PPFIA1: variants seen among roughly 807,000 people sequenced by gnomAD.
PPFIA1 encodes the protein PPFI scaffold protein A1, also known as liprin-alpha-1.
Under a neutral mutation model 149.9 loss-of-function variants are expected in PPFIA1, and 25 were observed. The ratio of observed to expected loss-of-function variants is 0.17; its 90% CI spans 0.12 to 0.23. The LOEUF (loss-of-function observed/expected upper bound fraction) is 0.23. PPFIA1 is among the 10% of genes least tolerant of loss of function. The probability of loss-of-function intolerance (pLI) is 1.00; values close to 1 mark genes in which losing one functional copy is unlikely to be tolerated. For missense variants in PPFIA1, 1,362 were observed against 1,506.5 expected, an observed-to-expected ratio of 0.90 and a Z score of 1.59; for synonymous variants, 549 against 552.8, an observed-to-expected ratio of 0.99 and a Z score of 0.10.
intron 2 of PPFIA1, among the ~76,000 whole-genome samples, chr11:70,285,796 T>A (rs2051072797): frequency 5.3e-5 from 8 of 152,216 alleles, no homozygotes; most frequent in Admixed American, 5.2e-4. Context: ...ACATAATGTT[T>A]ATGTATATAG....
chr11:70,330,102 C>T (rs2054562064), intron 7 of PPFIA1, 71 bp from the exon 8 acceptor site: 1 of 1,380,230 alleles, frequency 7.2e-7, no homozygotes, highest in African/African-American at 1.5e-5. Flanking sequence ...CAGTTTTTTT[C>T]TCTCTTAAGT....
chr11:70,303,334 A>G (rs1231473944), intron 2 of PPFIA1, among the ~76,000 whole-genome samples: 3 of 152,194 alleles, frequency 2.0e-5, no homozygotes, highest in Non-Finnish European at 2.9e-5. Flanking sequence ...ACTCACACAC[A>G]TCTGGGACAT....
chr11:70,330,545 A>G (rs1398992511), intron 8 of PPFIA1, among the ~76,000 whole-genome samples: 2 of 152,226 alleles, frequency 1.3e-5, no homozygotes, highest in African/African-American at 4.8e-5. Context: ...GTTGTAATTG[A>G]AAGTTAATCT....
intron 2 of PPFIA1, among the ~76,000 whole-genome samples, chr11:70,297,468 A>C (rs897739760): frequency 6.6e-6 from 1 of 152,228 alleles, no homozygotes; most frequent in Admixed American, 6.5e-5. Context: ...TATGGTGTCC[A>C]CAGTAACAGT....
At chr11:70,358,961 C>T (rs1488041804) in intron 19 of PPFIA1, among the ~76,000 whole-genome samples, 1 of 152,202 alleles carries the variant, frequency 6.6e-6, no homozygotes, top group Non-Finnish European at 1.5e-5. Flanking sequence ...GTTCCCTTTT[C>T]ATGTTCTCCT....
intron 10 of PPFIA1, 86 bp from the exon 11 acceptor site, chr11:70,335,477 G>A: frequency 5.3e-6 from 8 of 1,508,370 alleles, no homozygotes; most frequent in Non-Finnish European, 7.2e-6. Flanking sequence ...GGCACACATG[G>A]GGCTCACCCT....
At chr11:70,335,497 T>C in intron 10 of PPFIA1, 66 bp from the exon 11 acceptor site, 2 of 1,577,378 alleles carry the variant, frequency 1.3e-6, no homozygotes, top group Non-Finnish European at 1.7e-6. Flanking sequence ...TGTTGGTCCT[T>C]GTGCTTTTAA....
chr11:70,274,470 A>G (rs762220269), intron 2 of PPFIA1, among the ~76,000 whole-genome samples: 43 of 152,182 alleles, frequency 2.8e-4, no homozygotes, highest in Non-Finnish European at 5.1e-4. Flanking sequence ...TTGACCTTTC[A>G]CCATTGATTA....
At chr11:70,324,764 T>C in intron 3 of PPFIA1, 83 bp from the exon 4 acceptor site, 1 of 1,293,968 alleles carries the variant, frequency 7.7e-7, no homozygotes, top group South Asian at 1.5e-5. Context: ...AGTATGAGAC[T>C]GTAAAGGAGT....
intron 2 of PPFIA1, among the ~76,000 whole-genome samples, chr11:70,289,948 A>G (rs777032639): frequency 6.6e-6 from 1 of 152,148 alleles, no homozygotes; most frequent in Non-Finnish European, 1.5e-5. Context: ...ATTATTTTTC[A>G]GCCAGGTGCA....
chr11:70,306,999 T>A (rs1242951705), intron 2 of PPFIA1, among the ~76,000 whole-genome samples: 1 of 152,158 alleles, frequency 6.6e-6, no homozygotes, highest in Non-Finnish European at 1.5e-5. Context: ...ATGCACCCAG[T>A]TGAGTACATG....
chr11:70,311,717 G>A (rs977536586), intron 2 of PPFIA1, among the ~76,000 whole-genome samples: 1 of 151,978 alleles, frequency 6.6e-6, no homozygotes, highest in African/African-American at 2.4e-5. Flanking sequence ...CATGGGTAGA[G>A]TGTAGCTGTC....
In PPFIA1 at chr11:70,280,216, G is replaced by GTATA. The variant is rs113468773; in HGVS notation, c.264+7789_264+7792dup. The stretch of plus-strand genomic sequence containing the variant: ...AGCTAGCATGTGTGTATATATGTGT[G>GTATA]TATATATATATACGTACATACATAT... On this transcript the variant is annotated intron_variant, in intron 2 of 27. Transcript: ENST00000253925. Among the ~76,000 whole-genome samples the GTATA allele has an allele frequency of 2.9e-3, 416 of 143,280 alleles. 1 individual carries two copies. The highest frequency in any genetic ancestry group is 0.01 in the African/African-American group (406 of 38,860). The allele number at this position is 143,280 out of a possible 152,430, so 94.0% of individuals were successfully genotyped here. A position where few individuals can be genotyped will look rare whatever the true frequency, so the allele number is the denominator to read the frequency against.
chr11:70,311,479 G>A (rs946171140), intron 2 of PPFIA1, among the ~76,000 whole-genome samples: 1 of 152,198 alleles, frequency 6.6e-6, no homozygotes, highest in African/African-American at 2.4e-5. Context: ...TGAATTAACA[G>A]TTGAGATATT....
intron 8 of PPFIA1, 129 bp from the exon 9 acceptor site, chr11:70,331,831 C>A (rs1408072683): frequency 5.9e-6 from 6 of 1,024,024 alleles, no homozygotes; most frequent in Non-Finnish European, 8.1e-6. Flanking sequence ...CCAGAAGCAA[C>A]TCCCATCACT....
In PPFIA1 at chr11:70,324,455, A is replaced by G. The variant is rs1285390604; in HGVS notation, c.318A>G (p.Glu106=). ...ATGTATGCAGGGAACAGCTCCTTGA[A>G]AGGGAAGAAGAAATTGCTGAACTGA... ...ELNVCREQLL[E]REEEIAELKA... Residue 106 remains glutamate, a synonymous_variant, in exon 3 of 28, where the codon GAA becomes GAG. Coordinates refer to ENST00000253925, the MANE Select transcript of PPFIA1 (RefSeq NM_003626.5). The G allele has an allele frequency of 1.2e-6, 2 of 1,613,850 alleles. No individual in the cohort carries two copies. Among genetic ancestry groups the G allele is most frequent in the Admixed American group, 1.7e-5 (1 of 59,994 alleles).
At chr11:70,321,823 G>T (rs769664576) in intron 2 of PPFIA1, among the ~76,000 whole-genome samples, 2 of 152,212 alleles carry the variant, frequency 1.3e-5, no homozygotes, top group African/African-American at 4.8e-5. Flanking sequence ...GCCTGTAGCC[G>T]ACTCTGTACT....
At chr11:70,373,956 T>C (rs2057378866) in intron 23 of PPFIA1, 1 of 152,374 alleles carries the variant, frequency 6.6e-6, no homozygotes, top group East Asian at 1.9e-4. Context: ...CTATTTTACA[T>C]CTTTTTCCAA....
rs145811174 is a variant in PPFIA1, at chr11:70,320,972, G to A, written c.265-3430G>A. ...TAGTTCTGGACGGAGGCCTTGGAAG[G>A]CTTGGAGGGCAACAACCACAGAACA... is the stretch of plus-strand genomic sequence containing the variant. On this transcript the variant is annotated intron_variant, in intron 2 of 27. Transcript: ENST00000253925. Among the ~76,000 whole-genome samples the A allele has an allele frequency of 3.0e-4, 46 of 152,300 alleles. No homozygotes were observed. The East Asian group carries it at 7.5e-3, about 25-fold the overall frequency.
Sources: gnomAD v4.1 joint callset for allele counts (sites outside exome capture counted in the v4.1 genomes callset) on GRCh38, gnomAD v4.1.1 for gene constraint, MANE v1.5 for transcripts, NCBI Gene and HGNC (gene_info 2026-07-23, HGNC 2026-07-21) for gene names.